Variants in ABCA4 observed in about 807,000 individuals in gnomAD.
ABCA4 encodes the protein retinal-specific phospholipid-transporting ATPase ABCA4.
In ABCA4, 196 loss-of-function variants were observed where a neutral mutation model predicts 263.7. That is an observed-to-expected ratio of 0.74 (90% confidence interval 0.66 to 0.84). ABCA4 has a LOEUF of 0.84. Ranked by LOEUF, ABCA4 falls within the 40% of genes least tolerant of loss-of-function variation. ABCA4 has a pLI of 0.00. For synonymous variants in ABCA4, 1,133 were observed against 1,094.2 expected (o/e 1.04, Z -0.70); for missense variants, 2,792 against 2,855.1 (o/e 0.98, Z 0.50).
At chr1:94,056,089 C>T (rs531646624) in intron 15 of ABCA4, among the ~76,000 whole-genome samples, 17 of 152,354 alleles carry the variant, frequency 1.1e-4, no homozygotes, top group Non-Finnish European at 2.4e-4. Flanking sequence ...TCCTGGCCAG[C>T]GAGCCTGACT....
chr1:94,117,048 T>G (rs1407148781), intron 1 of ABCA4, among the ~76,000 whole-genome samples: 2 of 149,574 alleles, frequency 1.3e-5, no homozygotes, highest in Admixed American at 6.7e-5. Context: ...TTCTTCTTCT[T>G]TCCTTTCTTT....
chr1:94,004,170 T>C (rs1659304929), intron 44 of ABCA4, among the ~76,000 whole-genome samples: 1 of 152,190 alleles, frequency 6.6e-6, no homozygotes. Context: ...TGCAAATATA[T>C]GTCTATATAT....
chr1:94,015,657 G>C, intron 37 of ABCA4, 82 bp downstream of exon 37: 2 of 1,203,064 alleles, frequency 1.7e-6, no homozygotes, highest in Non-Finnish European at 2.4e-6. Context: ...GGACAGCCCA[G>C]GTTTTCTGTC....
In ABCA4 at chr1:94,030,365, A is replaced by G. The variant is rs556430139; in HGVS notation, c.4352+63T>C. ...GCCTCCCCAACGCCTGCCATCTTGAACCCACCGTTGGGTCCTCCCAGGGGA... is the reference window on the plus strand; with the variant it reads ...GCCTCCCCAACGCCTGCCATCTTGAGCCCACCGTTGGGTCCTCCCAGGGGA... On this transcript the variant is annotated intron_variant, in intron 29 of 49. Transcript: ENST00000370225. 4.7e-6 allele frequency: 7 copies of G among 1,478,330 alleles called. No individual in the cohort carries two copies. The East Asian group carries it at 9.0e-5, about 19-fold the overall frequency. 91.6% of individuals were successfully genotyped at this position (1,478,330 alleles called of 1,614,324 possible). A position where few individuals can be genotyped will look rare whatever the true frequency, so the allele number is the denominator to read the frequency against.
intron 26 of ABCA4, among the ~76,000 whole-genome samples, chr1:94,036,380 C>CTT (rs752570732): frequency 0.019 from 2,679 of 141,336 alleles, 102 homozygotes; most frequent in African/African-American, 0.066. Flanking sequence ...TTTCCTTAGA[C>CTT]TTTTTTTTTT....
At chr1:94,044,842 T>A (rs1660629596) in intron 19 of ABCA4, 98 bp from the exon 20 acceptor site, 1 of 1,573,476 alleles carries the variant, frequency 6.4e-7, no homozygotes, top group Non-Finnish European at 8.7e-7. Context: ...CTCTCACAGA[T>A]TCCTGCCTGG....
chr1:94,036,842 A>C, intron 25 of ABCA4, 54 bp from the exon 26 acceptor site: 5 of 1,564,172 alleles, frequency 3.2e-6, no homozygotes, highest in Non-Finnish European at 3.5e-6. Context: ...ATTCTCAGAA[A>C]AATCTAACCC....
intron 4 of ABCA4, among the ~76,000 whole-genome samples, chr1:94,108,087 G>A (rs1038438330): frequency 1.3e-5 from 2 of 152,116 alleles, no homozygotes. Flanking sequence ...CTCGGGGCCT[G>A]GGTGCTAAAT....
chr1:94,079,647 A>C lies in ABCA4; in HGVS notation c.1100-186T>G, dbSNP rs17111014. On this transcript the variant is annotated intron_variant, in intron 8 of 49. Coordinates refer to ENST00000370225, the MANE Select transcript of ABCA4 (RefSeq NM_000350.3). The stretch of plus-strand genomic sequence containing the variant: ...TCATTAGTAGCAAAATGCCACAGTG[A>C]CTCTCAGTAATGGCCTCATCAGAGA... Among the ~76,000 whole-genome samples, 3,722 of 152,194 alleles carry C rather than the reference A, an allele frequency of 0.024. 123 individuals carry two copies. Among genetic ancestry groups the C allele is most frequent in the African/African-American group, 0.071 (2,948 of 41,490 alleles).
Position 94,112,606 on chromosome 1 carries a change from C to T in ABCA4, c.160+367G>A, listed in dbSNP as rs56399246. Among the ~76,000 whole-genome samples, 385 of 152,032 alleles carry T rather than the reference C, an allele frequency of 2.5e-3. 2 individuals are homozygous for T. The highest frequency in any genetic ancestry group is 6.8e-3 in the Middle Eastern group (2 of 294). ...TGAGGCCAGGAGTTCAAGACCAGCCCGGGCAATGTAGTGACTCTGTCTCCA... is the reference window on the plus strand; with the variant it reads ...TGAGGCCAGGAGTTCAAGACCAGCCTGGGCAATGTAGTGACTCTGTCTCCA... On this transcript the variant is annotated intron_variant, in intron 2 of 49. Transcript: ENST00000370225.
intron 36 of ABCA4, among the ~76,000 whole-genome samples, chr1:94,017,912 G>A (rs1320224417): frequency 1.3e-5 from 2 of 152,210 alleles, no homozygotes; most frequent in South Asian, 2.1e-4. Flanking sequence ...TCATATATGT[G>A]CTAAGTGAAT....
At chr1:94,078,979 G>T (rs1186171566) in intron 9 of ABCA4, among the ~76,000 whole-genome samples, 4 of 152,082 alleles carry the variant, frequency 2.6e-5, no homozygotes, top group African/African-American at 9.6e-5. Context: ...AGCTAGATTT[G>T]GACCCCCTGG....
intron 43 of ABCA4, 51 bp downstream of exon 43, chr1:94,007,583 C>T: frequency 6.7e-7 from 1 of 1,495,200 alleles, no homozygotes. Flanking sequence ...TCCTATTCTT[C>T]TCACAGGACC....
At chr1:94,039,755 C>G (rs1262507886) in intron 24 of ABCA4, among the ~76,000 whole-genome samples, 1 of 152,156 alleles carries the variant, frequency 6.6e-6, no homozygotes, top group Admixed American at 6.5e-5. Flanking sequence ...TGGCCTGGAG[C>G]CAGGGCAGGG....
In ABCA4 at chr1:94,069,975, C is replaced by T. The variant is rs181255129; in HGVS notation, c.1555-6658G>A. On this transcript the variant is annotated intron_variant, in intron 11 of 49. Transcript: ENST00000370225. ...TCAAGTTGGAGGACAAAGATTCACA[C>T]TGGGGCAAAGCCACGAGGTAATGCC... 5.3e-4 allele frequency among the ~76,000 whole-genome samples: 80 copies of T among 152,370 alleles called. 1 individual carries two copies. The highest frequency in any genetic ancestry group is 2.1e-3 in the South Asian group (10 of 4,828).
chr1:94,094,321 T>C (rs1662063940), intron 6 of ABCA4, among the ~76,000 whole-genome samples: 1 of 152,128 alleles, frequency 6.6e-6, no homozygotes, highest in South Asian at 2.1e-4. Flanking sequence ...GAGCCAAGAA[T>C]GAAACAGGAC....
intron 36 of ABCA4, among the ~76,000 whole-genome samples, chr1:94,018,172 G>A (rs896254010): frequency 2.6e-5 from 4 of 152,188 alleles, no homozygotes; most frequent in Admixed American, 1.3e-4. Flanking sequence ...TAGGCTCAGA[G>A]ATCCCTGTAA....
In ABCA4 at chr1:94,046,905, G is replaced by A. The variant is rs1557780698; in HGVS notation, c.2918+14C>T. Reference sequence around the variant, plus strand: ...GGCTAGCATGGCAGCCAGCTTCTCTGCTGGAAGACTCACAAGGTGGTGGTT... The same window carrying A: ...GGCTAGCATGGCAGCCAGCTTCTCTACTGGAAGACTCACAAGGTGGTGGTT... On this transcript the variant is annotated intron_variant, in intron 19 of 49. Coordinates refer to ENST00000370225, the MANE Select transcript of ABCA4 (RefSeq NM_000350.3). The A allele has an allele frequency of 1.2e-6, 2 of 1,613,724 alleles. No homozygotes were observed. The highest frequency in any genetic ancestry group is 1.7e-6 in the Non-Finnish European group (2 of 1,179,842).
chr1:93,998,027 A>G lies in ABCA4; in HGVS notation c.6563T>C (p.Phe2188Ser), dbSNP rs61750658. The G allele has an allele frequency of 1.9e-6, 3 of 1,614,160 alleles. No homozygotes were observed. The East Asian group carries it at 6.7e-5, about 36-fold the overall frequency. ...LLPDLNPVEQ[F>S]FQGNFPGSVQ... Reference sequence around the variant, plus strand: ...ACTGCCTGGGAAGTTCCCCTGGAAGAACTGCTCCACAGGGTTCAGGTCAGG... The same window carrying G: ...ACTGCCTGGGAAGTTCCCCTGGAAGGACTGCTCCACAGGGTTCAGGTCAGG... The change falls in exon 48 of 50, where the codon TTC becomes TCC. Residue 2188 changes from phenylalanine to serine, a missense_variant. Transcript: ENST00000370225.
Sources: allele counts gnomAD v4.1 joint callset (sites outside exome capture counted in the v4.1 genomes callset), GRCh38; gene constraint gnomAD v4.1.1; transcripts MANE v1.5; gene names NCBI Gene and HGNC (gene_info 2026-07-23, HGNC 2026-07-21).